The following NUGGC variants were observed in gnomAD, a reference collection of about 807,000 sequenced individuals.
The protein encoded by NUGGC is nuclear GTPase SLIP-GC.
In NUGGC, 58 loss-of-function variants were observed where a neutral mutation model predicts 92.6. That is an observed-to-expected ratio of 0.63 (90% CI 0.51 to 0.78). NUGGC has a LOEUF of 0.78. NUGGC is among the 30% of genes least tolerant of loss of function. The pLI is 0.00. For synonymous variants in NUGGC, 376 were observed against 366.4 expected (o/e 1.03, Z -0.30); for missense variants, 925 against 964.6 (o/e 0.96, Z 0.54).
At chr8:28,053,983 G>A (rs1376972321) in intron 10 of NUGGC, among the ~76,000 whole-genome samples, 1 of 152,118 alleles carries the variant, frequency 6.6e-6, no homozygotes, top group Non-Finnish European at 1.5e-5. Flanking sequence ...GACATTTTCT[G>A]TATCAATATT....
chr8:28,026,940 T>C (rs1809277960), intron 18 of NUGGC, 22 bp downstream of exon 18: 1 of 1,535,578 alleles, frequency 6.5e-7, no homozygotes, highest in South Asian at 1.1e-5. Context: ...TCACCCTGTA[T>C]ACAAAGCTTT....
chr8:28,069,079 A>C (rs1037490082), intron 4 of NUGGC, among the ~76,000 whole-genome samples: 3 of 152,196 alleles, frequency 2.0e-5, no homozygotes, highest in African/African-American at 7.2e-5. Context: ...ATGAAGTATT[A>C]ATAGTGTTAG....
chr8:28,038,067 T>C (rs1389129274), intron 13 of NUGGC, among the ~76,000 whole-genome samples: 1 of 152,198 alleles, frequency 6.6e-6, no homozygotes, highest in African/African-American at 2.4e-5. Context: ...ATGGAGGCAC[T>C]GGATTCAGCT....
chr8:28,071,936 T>C (rs1202752697), intron 2 of NUGGC, among the ~76,000 whole-genome samples: 1 of 151,910 alleles, frequency 6.6e-6, no homozygotes, highest in Non-Finnish European at 1.5e-5. Flanking sequence ...AGAGAAGAAA[T>C]GTCACGTGGC....
At position 28,069,831 on chromosome 8, in the gene NUGGC, T is replaced by C. The variant is rs117640786; in HGVS notation, c.149-179A>G. 3 of 587,658 alleles carry C rather than the reference T, an allele frequency of 5.1e-6. No individual in the cohort carries two copies. In the East Asian group the frequency reaches 8.6e-5, roughly 17 times the overall value. The allele number at this position is 587,658 out of a possible 1,614,324, so 36.4% of individuals were successfully genotyped here. A position where few individuals can be genotyped will look rare whatever the true frequency, so the allele number is the denominator to read the frequency against. Reference sequence around the variant, plus strand: ...GATGGCGGCTCACTGGAGATAGCAATCATTGGTTCTGAAAATCTCCAAAGA... The same window carrying C: ...GATGGCGGCTCACTGGAGATAGCAACCATTGGTTCTGAAAATCTCCAAAGA... On this transcript the variant is annotated intron_variant, in intron 3 of 18. Coordinates refer to ENST00000413272, the MANE Select transcript of NUGGC (RefSeq NM_001010906.2).
chr8:28,022,028 T>C lies in NUGGC; in HGVS notation c.*1289A>G, dbSNP rs1178919674. The C allele has an allele frequency of 1.3e-5, 2 of 152,256 alleles. No homozygotes were observed. Among genetic ancestry groups the C allele is most frequent in the Admixed American group, 1.3e-4 (2 of 15,280 alleles). The allele number at this position is 152,256 out of a possible 1,614,324, so 9.4% of individuals were successfully genotyped here. ...ATACTTAAGTTTTTCAACGTTTAGA[T>C]ATTTTTCTTTATTGAAGGATGAATT... is the stretch of plus-strand genomic sequence containing the variant. On this transcript the variant is annotated 3_prime_UTR_variant, in exon 19 of 19. Transcript: ENST00000413272.
chr8:28,026,424 G>A (rs888218818), intron 18 of NUGGC, among the ~76,000 whole-genome samples: 6 of 152,184 alleles, frequency 3.9e-5, no homozygotes, highest in East Asian at 1.9e-4. Context: ...CTACACCAAG[G>A]TCCACAGCTG....
rs1256529167 is a variant in NUGGC at position 28,068,431 on chromosome 8, G to A, written c.265C>T (p.Leu89Phe). The change falls in exon 5 of 19, where the codon CTT (leucine) becomes TTT (phenylalanine). Residue 89 changes from leucine (L) to phenylalanine (F), a missense_variant. Transcript: ENST00000413272. ...PNGVKYLINRLLALIEKPTVD... is the reference protein window; with the variant it reads ...PNGVKYLINRFLALIEKPTVD... ...GTCGGCTTTTCAATCAAGGCAAGAA[G>A]CCTATTTCTGGATGAATTTTAAAAT... is the stretch of plus-strand genomic sequence containing the variant. 5.8e-6 allele frequency: 9 copies of A among 1,558,556 alleles called. No individual in the cohort carries two copies. Among genetic ancestry groups the A allele is most frequent in the Admixed American group, 3.8e-5 (2 of 53,056 alleles).
intron 4 of NUGGC, 42 bp downstream of exon 4, chr8:28,069,502 G>A: frequency 1.0e-6 from 1 of 971,752 alleles, no homozygotes; most frequent in Non-Finnish European, 1.7e-6. Context: ...CCTAAGGAAA[G>A]ACACTGACAT....
intron 1 of NUGGC, among the ~76,000 whole-genome samples, chr8:28,075,911 G>A (rs911297525): frequency 6.6e-6 from 1 of 152,162 alleles, no homozygotes; most frequent in Admixed American, 6.5e-5. Context: ...GTTCTCCAAA[G>A]CAGGGTATCC....
chr8:28,073,249 G>C (rs186555075), intron 2 of NUGGC, among the ~76,000 whole-genome samples: 1 of 148,972 alleles, frequency 6.7e-6, no homozygotes, highest in East Asian at 2.0e-4. Context: ...CTGGGCTCAA[G>C]AGATCCTCCT....
At chr8:28,045,753 G>C in intron 11 of NUGGC, 93 bp from the exon 12 acceptor site, 4 of 1,365,848 alleles carry the variant, frequency 2.9e-6, no homozygotes, top group Non-Finnish European at 4.0e-6. Context: ...GTGGCGATAT[G>C]AATGAAGTAG....
intron 1 of NUGGC, among the ~76,000 whole-genome samples, chr8:28,077,407 A>G (rs1256961007): frequency 2.6e-5 from 4 of 151,836 alleles, no homozygotes; most frequent in Non-Finnish European, 4.4e-5. Flanking sequence ...AAAAAAAAAA[A>G]AAGAAAGAAA....
Position 28,041,736 on chromosome 8 carries a change from C to T in NUGGC, c.1447-521G>A, listed in dbSNP as rs188168819. Among the ~76,000 whole-genome samples the T allele has an allele frequency of 1.5e-4, 23 of 152,278 alleles. No individual in the cohort carries two copies. The East Asian group carries it at 4.4e-3, about 29-fold the overall frequency. ...CAGTCCTCAAGTAATGCTGGTCTTC[C>T]GAGCTATGGACCACACTTTGCATAG... On this transcript the variant is annotated intron_variant, in intron 12 of 18. Transcript: ENST00000413272.
chr8:28,054,252 T>G (rs1189057547), intron 10 of NUGGC, among the ~76,000 whole-genome samples: 2 of 151,874 alleles, frequency 1.3e-5, no homozygotes, highest in Admixed American at 6.6e-5. Flanking sequence ...GAGGCCGAGG[T>G]GGGTAGATCA....
At chr8:28,080,263 A>T (rs1810818124) in intron 1 of NUGGC, among the ~76,000 whole-genome samples, 1 of 152,162 alleles carries the variant, frequency 6.6e-6, no homozygotes, top group African/African-American at 2.4e-5. Context: ...AAACTTGAAG[A>T]CACCCTCAGA....
intron 8 of NUGGC, 105 bp downstream of exon 8, chr8:28,060,321 G>T: frequency 1.8e-6 from 2 of 1,093,086 alleles, no homozygotes; most frequent in Non-Finnish European, 2.8e-6. Context: ...ACTTCCTGAA[G>T]CCCTCTAACC....
intron 6 of NUGGC, 85 bp downstream of exon 6, chr8:28,067,429 A>G: frequency 1.2e-6 from 1 of 838,004 alleles, no homozygotes; most frequent in South Asian, 1.6e-5. Flanking sequence ...CAAACACTGT[A>G]CCACAAGCCC....
chr8:28,035,785 T>C (rs530949465), intron 13 of NUGGC, among the ~76,000 whole-genome samples: 24 of 152,348 alleles, frequency 1.6e-4, no homozygotes, highest in Middle Eastern at 3.4e-3. Context: ...CAGTCACCAA[T>C]GAAACCCTCA....
Sources: allele counts gnomAD v4.1 joint callset (sites outside exome capture counted in the v4.1 genomes callset), GRCh38; gene constraint gnomAD v4.1.1; transcripts MANE v1.5; gene names NCBI Gene and HGNC (gene_info 2026-07-23, HGNC 2026-07-21).